Variants in SGMS1 observed in about 807,000 individuals in gnomAD.
SGMS1 encodes phosphatidylcholine:ceramide cholinephosphotransferase 1.
In SGMS1, 13 loss-of-function variants were observed where a neutral mutation model predicts 46.2. The observed-to-expected ratio is 0.28, with a 90% CI of 0.18 to 0.45. SGMS1 has a LOEUF of 0.45. Ranked by LOEUF, SGMS1 falls within the 20% of genes least tolerant of loss-of-function variation. SGMS1 has a pLI of 1.00. For synonymous variants in SGMS1, 203 were observed against 187.8 expected, an observed-to-expected ratio of 1.08 and a Z score of -0.66; for missense variants, 324 against 519.9, an observed-to-expected ratio of 0.62 and a Z score of 3.66.
At chr10:50,526,430 C>T (rs751908040) in intron 2 of SGMS1, among the ~76,000 whole-genome samples, 8 of 152,272 alleles carry the variant, frequency 5.3e-5, no homozygotes, top group East Asian at 1.9e-4. Context: ...CAAATCAACA[C>T]GAGATTTGGG....
intron 3 of SGMS1, among the ~76,000 whole-genome samples, chr10:50,508,907 T>A (rs1837730487): frequency 6.6e-6 from 1 of 152,178 alleles, no homozygotes; most frequent in Non-Finnish European, 1.5e-5. Flanking sequence ...CTGTACATGG[T>A]TTGGTCCACC....
chr10:50,462,195 G>A (rs1837273573), intron 4 of SGMS1, among the ~76,000 whole-genome samples: 1 of 152,140 alleles, frequency 6.6e-6, no homozygotes, highest in Non-Finnish European at 1.5e-5. Context: ...CCAGGAGGTT[G>A]AGGCTGCAGT....
At chr10:50,373,100 A>T (rs1848467463) in intron 6 of SGMS1, among the ~76,000 whole-genome samples, 1 of 152,196 alleles carries the variant, frequency 6.6e-6, no homozygotes, top group African/African-American at 2.4e-5. Flanking sequence ...ATATTTAATC[A>T]GATTTCTAAG....
chr10:50,604,311 T>A (rs1275830583), intron 1 of SGMS1, among the ~76,000 whole-genome samples: 1 of 152,084 alleles, frequency 6.6e-6, no homozygotes, highest in African/African-American at 2.4e-5. Flanking sequence ...GGCTGAACCG[T>A]CGGTGAAATT....
intron 3 of SGMS1, among the ~76,000 whole-genome samples, chr10:50,495,077 A>C (rs201216265): frequency 0.047 from 6,824 of 145,328 alleles, 817 homozygotes; most frequent in East Asian, 0.36. Flanking sequence ...AAAATACAAA[A>C]AAAAAAAAAA....
chr10:50,399,577 A>G (rs1404638589), intron 6 of SGMS1, among the ~76,000 whole-genome samples: 1 of 152,216 alleles, frequency 6.6e-6, no homozygotes, highest in Non-Finnish European at 1.5e-5. Context: ...TAGCAGAACA[A>G]TGCACACAGG....
At chr10:50,599,908 T>C (rs939918513) in intron 1 of SGMS1, among the ~76,000 whole-genome samples, 2 of 152,182 alleles carry the variant, frequency 1.3e-5, no homozygotes, top group Non-Finnish European at 2.9e-5. Flanking sequence ...TAAGATTTTA[T>C]TATTGTCACT....
intron 6 of SGMS1, among the ~76,000 whole-genome samples, chr10:50,416,839 A>AG (rs1342986153): frequency 1.1e-5 from 1 of 90,764 alleles, no homozygotes; most frequent in Non-Finnish European, 2.5e-5. Flanking sequence ...TATAGAACTA[A>AG]AAAAAAAAAA....
chr10:50,380,009 G>A (rs561208424), intron 6 of SGMS1, among the ~76,000 whole-genome samples: 3 of 152,142 alleles, frequency 2.0e-5, no homozygotes, highest in Admixed American at 6.5e-5. Context: ...CCTATATCTC[G>A]GTCACCAAAA....
intron 6 of SGMS1, among the ~76,000 whole-genome samples, chr10:50,367,804 T>C (rs534348375): frequency 1.3e-5 from 2 of 152,358 alleles, no homozygotes; most frequent in African/African-American, 2.4e-5. Flanking sequence ...AGCTTCTCTA[T>C]TAACTAACTG....
intron 6 of SGMS1, among the ~76,000 whole-genome samples, chr10:50,355,239 T>C (rs1056709660): frequency 8.5e-5 from 13 of 152,186 alleles, no homozygotes; most frequent in Non-Finnish European, 1.6e-4. Context: ...GTGGCACATA[T>C]ACACCATGGA....
At chr10:50,463,854 ATCT>A (rs936429638) in intron 4 of SGMS1, among the ~76,000 whole-genome samples, 16 of 152,226 alleles carry the variant, frequency 1.1e-4, no homozygotes, top group African/African-American at 3.4e-4. Context: ...AAAGAAGGAA[ATCT>A]TCTTATATAC....
intron 7 of SGMS1, 111 bp downstream of exon 7, chr10:50,343,381 A>T: frequency 8.1e-7 from 1 of 1,240,676 alleles, no homozygotes; most frequent in Admixed American, 2.9e-5. Flanking sequence ...AGAAAAAAAA[A>T]TAGTATGTTT....
At chr10:50,435,356 G>A (rs1176970501) in intron 5 of SGMS1, among the ~76,000 whole-genome samples, 1 of 152,174 alleles carries the variant, frequency 6.6e-6, no homozygotes, top group Admixed American at 6.5e-5. Flanking sequence ...GCTCACTAGT[G>A]CAACTATGGT....
intron 6 of SGMS1, among the ~76,000 whole-genome samples, chr10:50,396,872 C>T (rs577339433): frequency 9.2e-5 from 14 of 152,204 alleles, no homozygotes; most frequent in Non-Finnish European, 1.3e-4. Context: ...ATCCCAACAG[C>T]GGCAGCCTCC....
chr10:50,433,241 C>G (rs546612418), intron 6 of SGMS1, among the ~76,000 whole-genome samples: 1 of 152,280 alleles, frequency 6.6e-6, no homozygotes, highest in Non-Finnish European at 1.5e-5. Flanking sequence ...TATGCTCTGT[C>G]CACCAAATTG....
At chr10:50,424,804 C>T (rs1286562971) in intron 6 of SGMS1, among the ~76,000 whole-genome samples, 2 of 151,382 alleles carry the variant, frequency 1.3e-5, no homozygotes, top group East Asian at 3.9e-4. Context: ...CCCAGCTACT[C>T]GGGAGGCTGA....
chr10:50,571,973 T>C (rs1017727060), intron 2 of SGMS1, among the ~76,000 whole-genome samples: 1 of 152,196 alleles, frequency 6.6e-6, no homozygotes, highest in South Asian at 2.1e-4. Context: ...AAGAAGGTTC[T>C]AATGACAACT....
intron 5 of SGMS1, among the ~76,000 whole-genome samples, chr10:50,458,054 A>G (rs541046251): frequency 6.6e-6 from 1 of 152,322 alleles, no homozygotes; most frequent in African/African-American, 2.4e-5. Flanking sequence ...CCAGTTCTCA[A>G]GAGGGGCTCA....
Sources: gnomAD v4.1 joint callset for allele counts (sites outside exome capture counted in the v4.1 genomes callset) on GRCh38, gnomAD v4.1.1 for gene constraint, MANE v1.5 for transcripts, NCBI Gene and HGNC (gene_info 2026-07-23, HGNC 2026-07-21) for gene names.